KIT: variants seen among roughly 807,000 people sequenced by gnomAD.
KIT encodes KIT proto-oncogene, receptor tyrosine kinase, also known as mast/stem cell growth factor receptor Kit.
A neutral mutation model predicts 105.7 loss-of-function variants in KIT; 16 were observed. The ratio of observed to expected loss-of-function variants is 0.15; its 90% confidence interval spans 0.10 to 0.23. KIT has a LOEUF of 0.23. Among genes scored for constraint, KIT ranks in the 10% least tolerant of loss-of-function variants. The probability of loss-of-function intolerance (pLI) is 1.00; values close to 1 mark genes in which losing one functional copy is unlikely to be tolerated. For missense variants in KIT, 858 were observed against 1,213.8 expected (o/e 0.71, Z 4.36); for synonymous variants, 438 against 441.1 (o/e 0.99, Z 0.09).
At chr4:54,735,841 T>C (rs1365126868) in intron 17 of KIT, among the ~76,000 whole-genome samples, 2 of 152,114 alleles carry the variant, frequency 1.3e-5, no homozygotes, top group Admixed American at 1.3e-4. Flanking sequence ...AAAGGTTCCA[T>C]GGAGTACCCG....
rs577939550 is a variant in KIT at position 54,740,279 on chromosome 4, T to C, written c.*1722T>C. ...TGGGGTTGTGTTGTCACCCAAGAGA[T>C]TGTTGTTTGCCATACTTTGTCTGAA... On this transcript the variant is annotated 3_prime_UTR_variant, in exon 21 of 21. Coordinates refer to ENST00000288135, the MANE Select transcript of KIT (RefSeq NM_000222.3). 4 of 233,588 alleles carry C rather than the reference T, an allele frequency of 1.7e-5. No individual in the cohort carries two copies. The highest frequency in any genetic ancestry group is 6.6e-5 in the African/African-American group (3 of 45,472). The allele number at this position is 233,588 out of a possible 1,614,324, so 14.5% of individuals were successfully genotyped here.
chr4:54,660,626 G>T (rs1422958593), intron 1 of KIT, among the ~76,000 whole-genome samples: 1 of 152,070 alleles, frequency 6.6e-6, no homozygotes, highest in African/African-American at 2.4e-5. Flanking sequence ...GAAACTGTGT[G>T]CCAGGCCTTT....
intron 7 of KIT, among the ~76,000 whole-genome samples, chr4:54,723,136 C>T (rs930804572): frequency 1.3e-5 from 2 of 152,124 alleles, no homozygotes; most frequent in African/African-American, 4.8e-5. Context: ...TTATCTTTTC[C>T]TCTAACAACT....
chr4:54,678,027 C>T lies in KIT; in HGVS notation c.68-17485C>T, dbSNP rs1194956010. On this transcript the variant is annotated intron_variant, in intron 1 of 20. Coordinates refer to ENST00000288135, the MANE Select transcript of KIT (RefSeq NM_000222.3). ...ATTGATGTGTGGTTTTTGTTTTTTACATTTGAGGCTCAACATATTCTCTTA... is the reference window on the plus strand; with the variant it reads ...ATTGATGTGTGGTTTTTGTTTTTTATATTTGAGGCTCAACATATTCTCTTA... 4.6e-5 allele frequency among the ~76,000 whole-genome samples: 7 copies of T among 152,250 alleles called. No individual in the cohort carries two copies. The South Asian group carries it at 1.5e-3, about 32-fold the overall frequency.
chr4:54,704,606 A>G (rs375387854), intron 5 of KIT, among the ~76,000 whole-genome samples: 1 of 152,206 alleles, frequency 6.6e-6, no homozygotes, highest in African/African-American at 2.4e-5. Flanking sequence ...ATTTAAAGAG[A>G]GCAGAGCATA....
chr4:54,723,832 C>G, intron 8 of KIT, 134 bp downstream of exon 8: 1 of 698,214 alleles, frequency 1.4e-6, no homozygotes, highest in Non-Finnish European at 2.5e-6. Context: ...AGCCATGTGG[C>G]TTTTTAGAAG....
At chr4:54,699,925 C>T (rs1347840697) in intron 4 of KIT, among the ~76,000 whole-genome samples, 159 bp downstream of exon 4, 1 of 152,004 alleles carries the variant, frequency 6.6e-6, no homozygotes, top group Non-Finnish European at 1.5e-5. Flanking sequence ...CCCTTTCATA[C>T]CTCCACATGG....
At chr4:54,730,594 C>T (rs1015292061) in intron 14 of KIT, among the ~76,000 whole-genome samples, 1 of 152,062 alleles carries the variant, frequency 6.6e-6, no homozygotes, top group African/African-American at 2.4e-5. Context: ...AGCCATTTTG[C>T]TTCTTTCCGA....
chr4:54,729,956 CCT>C (rs1722485486), intron 14 of KIT, among the ~76,000 whole-genome samples: 1 of 152,154 alleles, frequency 6.6e-6, no homozygotes, highest in Non-Finnish European at 1.5e-5. Context: ...TTGCCATCGA[CCT>C]CTGGATTATT....
chr4:54,671,315 C>T (rs759083), intron 1 of KIT, among the ~76,000 whole-genome samples: 7 of 151,862 alleles, frequency 4.6e-5, no homozygotes, highest in African/African-American at 9.7e-5. Flanking sequence ...TTCTGGTTCT[C>T]GAGAAGGAAT....
chr4:54,666,042 G>A (rs1444736842), intron 1 of KIT, among the ~76,000 whole-genome samples: 2 of 152,148 alleles, frequency 1.3e-5, no homozygotes, highest in Non-Finnish European at 2.9e-5. Context: ...GAATAAAATG[G>A]CCATACTGGG....
intron 7 of KIT, among the ~76,000 whole-genome samples, chr4:54,719,133 T>C (rs1412572328): frequency 6.6e-6 from 1 of 152,184 alleles, no homozygotes; most frequent in East Asian, 1.9e-4. Flanking sequence ...GAGACTTAAG[T>C]GTTTGCGTTT....
intron 1 of KIT, among the ~76,000 whole-genome samples, chr4:54,663,521 G>GTT (rs376622031): frequency 2.0e-5 from 3 of 146,688 alleles, no homozygotes; most frequent in African/African-American, 7.5e-5. Context: ...ATGTAGAGTG[G>GTT]TTTTTTTTTT....
chr4:54,709,637 A>T, intron 7 of KIT, 98 bp downstream of exon 7: 2 of 774,778 alleles, frequency 2.6e-6, no homozygotes, highest in Non-Finnish European at 4.5e-6. Context: ...TACTATGTAA[A>T]TAACGTTTCA....
chr4:54,732,726 T>A (rs1016481796), intron 16 of KIT, among the ~76,000 whole-genome samples: 1 of 152,184 alleles, frequency 6.6e-6, no homozygotes, highest in Non-Finnish European at 1.5e-5. Context: ...TTAGGAACTC[T>A]GTGAAAGGAC....
At chr4:54,733,049 T>G (rs769008697) in intron 16 of KIT, 21 bp from the exon 17 acceptor site, 1 of 1,607,336 alleles carries the variant, frequency 6.2e-7, no homozygotes, top group South Asian at 1.1e-5. Context: ...AATGGTTTTC[T>G]TTTCTCCTCC....
intron 1 of KIT, among the ~76,000 whole-genome samples, chr4:54,681,271 C>T (rs1202333085): frequency 9.7e-6 from 1 of 103,372 alleles, no homozygotes; most frequent in Non-Finnish European, 1.9e-5. Flanking sequence ...TTTACGGCAG[C>T]GGGGATGGGG....
At chr4:54,683,897 G>A (rs1719121217) in intron 1 of KIT, among the ~76,000 whole-genome samples, 1 of 152,210 alleles carries the variant, frequency 6.6e-6, no homozygotes, top group African/African-American at 2.4e-5. Context: ...GCAATGTTGA[G>A]GAATCTGAGT....
chr4:54,716,035 T>TA (rs936512911), intron 7 of KIT, among the ~76,000 whole-genome samples: 3 of 152,132 alleles, frequency 2.0e-5, no homozygotes, highest in Middle Eastern at 3.2e-3. Context: ...TTCCATTTTT[T>TA]AAAAAAATAG....
Sources: allele counts gnomAD v4.1 joint callset (sites outside exome capture counted in the v4.1 genomes callset), GRCh38; gene constraint gnomAD v4.1.1; transcripts MANE v1.5; gene names NCBI Gene and HGNC (gene_info 2026-07-23, HGNC 2026-07-21).